The following ZSWIM5 variants were observed in gnomAD, a reference collection of about 807,000 sequenced individuals.
The protein encoded by ZSWIM5 is zinc finger SWIM domain-containing protein 5.
Under a neutral mutation model 119.6 loss-of-function variants are expected in ZSWIM5, and 55 were observed. The ratio of observed to expected loss-of-function variants is 0.46; its 90% CI spans 0.37 to 0.58. The LOEUF (loss-of-function observed/expected upper bound fraction) is 0.58. Among genes scored for constraint, ZSWIM5 ranks in the 20% least tolerant of loss-of-function variants. ZSWIM5 has a pLI of 0.00. For missense variants in ZSWIM5, 1,193 were observed against 1,512.8 expected (o/e 0.79, Z 3.51); for synonymous variants, 537 against 606.9 (o/e 0.88, Z 1.69).
intron 1 of ZSWIM5, among the ~76,000 whole-genome samples, chr1:45,133,189 A>G (rs899559536): frequency 6.6e-6 from 1 of 152,196 alleles, no homozygotes; most frequent in African/African-American, 2.4e-5. Context: ...GAATCGCCAC[A>G]CTGTCTGCCA....
At chr1:45,154,517 T>C (rs1645815742) in intron 1 of ZSWIM5, among the ~76,000 whole-genome samples, 1 of 152,078 alleles carries the variant, frequency 6.6e-6, no homozygotes, top group Non-Finnish European at 1.5e-5. Flanking sequence ...CAACAAATGG[T>C]GCTGGGATAA....
chr1:45,032,464 T>A (rs138431875), intron 11 of ZSWIM5, among the ~76,000 whole-genome samples: 1 of 148,622 alleles, frequency 6.7e-6, no homozygotes, highest in East Asian at 2.0e-4. Flanking sequence ...TTCATTGGTA[T>A]AAAATTCTAG....
At chr1:45,065,599 C>T in intron 2 of ZSWIM5, among the ~76,000 whole-genome samples, 1 of 152,138 alleles carries the variant, frequency 6.6e-6, no homozygotes, top group East Asian at 1.9e-4. Context: ...TACAACTTCA[C>T]CTAAACTTCA....
rs371836844 is a variant in ZSWIM5, at chr1:45,119,649, C to G, written c.596-31412G>C. 1.0e-3 allele frequency among the ~76,000 whole-genome samples: 156 copies of G among 152,286 alleles called. 3 individuals are homozygous for G. Among genetic ancestry groups the G allele is most frequent in the Middle Eastern group, 6.8e-3 (2 of 294 alleles). On this transcript the variant is annotated intron_variant, in intron 1 of 13. Transcript: ENST00000359600. The stretch of plus-strand genomic sequence containing the variant: ...TTCCAATCTCAGTTTCTCTGAGAAA[C>G]TCTGACTTTCTTTCACTCATCGTCA...
intron 1 of ZSWIM5, among the ~76,000 whole-genome samples, chr1:45,155,650 A>G (rs1263014102): frequency 2.6e-5 from 4 of 152,194 alleles, no homozygotes; most frequent in Non-Finnish European, 5.9e-5. Flanking sequence ...CCATCAATCA[A>G]TGAGTGGATA....
chr1:45,065,459 G>A (rs1645177452), intron 2 of ZSWIM5, among the ~76,000 whole-genome samples: 1 of 152,186 alleles, frequency 6.6e-6, no homozygotes, highest in South Asian at 2.1e-4. Flanking sequence ...AGAACATTTG[G>A]CACCCAGGTG....
chr1:45,191,928 G>C (rs1325106194), intron 1 of ZSWIM5, among the ~76,000 whole-genome samples: 1 of 152,088 alleles, frequency 6.6e-6, no homozygotes, highest in African/African-American at 2.4e-5. Context: ...GTTATTTAGT[G>C]TATTCAAAGA....
At chr1:45,024,449 C>T (rs534899307) in intron 11 of ZSWIM5, among the ~76,000 whole-genome samples, 295 of 152,080 alleles carry the variant, frequency 1.9e-3, no homozygotes, top group Non-Finnish European at 3.6e-3. Flanking sequence ...GCCTCGACCT[C>T]CCCAAGGGCT....
chr1:45,043,114 T>G, intron 6 of ZSWIM5, 105 bp downstream of exon 6: 1 of 1,161,914 alleles, frequency 8.6e-7, no homozygotes, highest in Non-Finnish European at 1.2e-6. Context: ...GTGTGAAAAC[T>G]GTCCAAATTG....
chr1:45,041,763 C>T (rs1645019705), intron 6 of ZSWIM5, among the ~76,000 whole-genome samples: 1 of 152,178 alleles, frequency 6.6e-6, no homozygotes, highest in African/African-American at 2.4e-5. Flanking sequence ...GTCTCAAACT[C>T]CTGACCTCAG....
At chr1:45,193,955 T>TATATATATATATATAC (rs1553202842) in intron 1 of ZSWIM5, among the ~76,000 whole-genome samples, 1 of 151,678 alleles carries the variant, frequency 6.6e-6, no homozygotes. Context: ...TATATATATA[T>TATATATATATATATAC]ACATACATGC....
At chr1:45,045,738 A>G (rs995255740) in intron 5 of ZSWIM5, among the ~76,000 whole-genome samples, 5 of 152,142 alleles carry the variant, frequency 3.3e-5, no homozygotes, top group African/African-American at 1.2e-4. Context: ...TGCCTACTAT[A>G]CAGTAGGTAC....
At chr1:45,168,263 G>T (rs941196329) in intron 1 of ZSWIM5, among the ~76,000 whole-genome samples, 1 of 151,898 alleles carries the variant, frequency 6.6e-6, no homozygotes, top group South Asian at 2.1e-4. Flanking sequence ...TCACAGGTGG[G>T]AATCGAACAA....
At chr1:45,078,609 T>C (rs1233608970) in intron 2 of ZSWIM5, among the ~76,000 whole-genome samples, 2 of 152,174 alleles carry the variant, frequency 1.3e-5, no homozygotes, top group Non-Finnish European at 2.9e-5. Context: ...ACCAGGACTG[T>C]GCTTGGTCAA....
chr1:45,134,299 T>C (rs978667190), intron 1 of ZSWIM5, among the ~76,000 whole-genome samples: 3 of 152,084 alleles, frequency 2.0e-5, no homozygotes, highest in Non-Finnish European at 4.4e-5. Context: ...TAAAAATAAA[T>C]ACAATTTACA....
rs890736453 is a variant in ZSWIM5 at position 45,081,411 on chromosome 1, C to A, written c.952+6470G>T. On this transcript the variant is annotated intron_variant, in intron 2 of 13. Transcript: ENST00000359600. ...ATCTCAGCTCACTGCAACCTCCCTG[C>A]CTGATTCTCCTGCCTCAGCCTGCGG... 5.9e-5 allele frequency among the ~76,000 whole-genome samples: 9 copies of A among 152,218 alleles called. No individual in the cohort carries two copies. The East Asian group carries it at 1.7e-3, about 29-fold the overall frequency.
chr1:45,141,665 G>A (rs1254279797), intron 1 of ZSWIM5, among the ~76,000 whole-genome samples: 1 of 152,050 alleles, frequency 6.6e-6, no homozygotes, highest in Non-Finnish European at 1.5e-5. Flanking sequence ...GATATAGGTA[G>A]ACTAAAACGA....
In ZSWIM5 at chr1:45,048,075, C is replaced by CTTT. The variant is rs142365516; in HGVS notation, c.1432+2996_1432+2998dup. On this transcript the variant is annotated intron_variant, in intron 5 of 13. Transcript: ENST00000359600. ...TTTCTTTCTTTCTTTCTTTCCTTTT[C>CTTT]TTTTCTCTTTTTTTTTTTTTTTTTT... is the stretch of plus-strand genomic sequence containing the variant. Among the ~76,000 whole-genome samples, 6 of 17,342 alleles carry CTTT rather than the reference C, an allele frequency of 3.5e-4. 2 individuals are homozygous for CTTT. The highest frequency in any genetic ancestry group is 3.9e-4 in the Non-Finnish European group (4 of 10,314). The allele number at this position is 17,342 out of a possible 152,430, so 11.4% of individuals were successfully genotyped here.
At chr1:45,044,722 TCAAAAAAA>T (rs1557746281) in intron 5 of ZSWIM5, among the ~76,000 whole-genome samples, 1 of 588 alleles carries the variant, frequency 1.7e-3, no homozygotes. Flanking sequence ...AGACTCCGTC[TCAAAAAAA>T]AAAAAAAAAA....
Sources: gnomAD v4.1 joint callset for allele counts (sites outside exome capture counted in the v4.1 genomes callset) on GRCh38, gnomAD v4.1.1 for gene constraint, MANE v1.5 for transcripts, NCBI Gene and HGNC (gene_info 2026-07-23, HGNC 2026-07-21) for gene names.